BCR: variants seen among roughly 807,000 people sequenced by gnomAD.
The protein encoded by BCR is BCR activator of RhoGEF and GTPase, also known as breakpoint cluster region protein.
Under a neutral mutation model 138.6 loss-of-function variants are expected in BCR, and 58 were observed. That is an observed-to-expected ratio of 0.42 (90% CI 0.34 to 0.52). The LOEUF is 0.52. Ranked by LOEUF, BCR falls within the 20% of genes least tolerant of loss-of-function variation. The pLI, the probability that BCR is intolerant of heterozygous loss-of-function variation, is 0.06. For synonymous variants in BCR, 786 were observed against 730.1 expected (o/e 1.08, Z -1.23); for missense variants, 1,599 against 1,727.2 (o/e 0.93, Z 1.32).
At chr22:23,257,890 A>G in intron 2 of BCR, among the ~76,000 whole-genome samples, 1 of 152,224 alleles carries the variant, frequency 6.6e-6, no homozygotes, top group Non-Finnish European at 1.5e-5. Flanking sequence ...ACACTAGGAT[A>G]CAACCAGGTG....
chr22:23,300,747 G>A (rs555660670), intron 16 of BCR, among the ~76,000 whole-genome samples: 1 of 152,154 alleles, frequency 6.6e-6, no homozygotes, highest in Non-Finnish European at 1.5e-5. Context: ...ACCCAGGCTG[G>A]CAGAGAAGTC....
chr22:23,218,049 C>T (rs958740281), intron 1 of BCR, among the ~76,000 whole-genome samples: 7 of 152,218 alleles, frequency 4.6e-5, no homozygotes, highest in African/African-American at 1.7e-4. Flanking sequence ...TGCAGTAACC[C>T]TACTCTGACC....
chr22:23,200,314 G>C (rs535779421), intron 1 of BCR, among the ~76,000 whole-genome samples: 9 of 152,150 alleles, frequency 5.9e-5, no homozygotes, highest in African/African-American at 1.2e-4. Context: ...GCTCAAAGCG[G>C]GCTTTTTATT....
At chr22:23,207,198 G>A (rs1030674943) in intron 1 of BCR, among the ~76,000 whole-genome samples, 1 of 152,064 alleles carries the variant, frequency 6.6e-6, no homozygotes, top group South Asian at 2.1e-4. Context: ...TGACCTCAAG[G>A]AACCCATAGA....
intron 19 of BCR, chr22:23,312,404 G>A (rs2074017641): frequency 5.7e-6 from 1 of 176,306 alleles, no homozygotes; most frequent in Admixed American, 5.4e-5. Flanking sequence ...GCATCCCTGG[G>A]AGGGCCCTGT....
rs551927757 is a variant in BCR, at chr22:23,309,227, A to G, written c.3013-197A>G. ...CCCCAGGCAGCAGGGCTCTGGGAGCAGTGGGGCCCTGGGTTCCAGGGGTGT... is the reference window on the plus strand; with the variant it reads ...CCCCAGGCAGCAGGGCTCTGGGAGCGGTGGGGCCCTGGGTTCCAGGGGTGT... On this transcript the variant is annotated intron_variant, in intron 16 of 22. Coordinates refer to ENST00000305877, the MANE Select transcript of BCR (RefSeq NM_004327.4). Among the ~76,000 whole-genome samples, 97 of 152,244 alleles carry G rather than the reference A, an allele frequency of 6.4e-4. No individual in the cohort carries two copies. In the East Asian group the frequency reaches 0.017, roughly 26 times the overall value.
intron 1 of BCR, among the ~76,000 whole-genome samples, chr22:23,198,576 G>A (rs1408256387): frequency 6.6e-6 from 1 of 152,200 alleles, no homozygotes; most frequent in African/African-American, 2.4e-5. Context: ...TGAAAGGGTG[G>A]CTGTGGCGGC....
intron 1 of BCR, among the ~76,000 whole-genome samples, chr22:23,217,394 T>C (rs1038447938): frequency 6.6e-6 from 1 of 152,190 alleles, no homozygotes; most frequent in African/African-American, 2.4e-5. Context: ...GACCACACCA[T>C]GGGGTACCTT....
At chr22:23,205,541 G>T (rs2072602592) in intron 1 of BCR, among the ~76,000 whole-genome samples, 1 of 152,112 alleles carries the variant, frequency 6.6e-6, no homozygotes, top group Non-Finnish European at 1.5e-5. Context: ...CTCTATTTCT[G>T]CAAGGAGCTG....
Position 23,311,837 on chromosome 22 carries a change from G to A in BCR, c.3322+1G>A. ...GCACTGAAGGCAGCCTTCGACGTCA[G>A]TGAGTGTTGGCCTGCGCAGGACGGG... On this transcript the variant is annotated splice_donor_variant, in intron 19 of 22. Coordinates refer to ENST00000305877, the MANE Select transcript of BCR (RefSeq NM_004327.4). LOFTEE classifies it high-confidence loss of function. The A allele has an allele frequency of 6.2e-7, 1 of 1,611,736 alleles. No homozygotes were observed. Among genetic ancestry groups the A allele is most frequent in the Non-Finnish European group, 8.5e-7 (1 of 1,179,860 alleles).
chr22:23,291,591 C>T (rs1319633288), intron 14 of BCR, among the ~76,000 whole-genome samples: 1 of 152,084 alleles, frequency 6.6e-6, no homozygotes, highest in South Asian at 2.1e-4. Context: ...TACGCTGCCC[C>T]GTGGTCCCGG....
intron 21 of BCR, among the ~76,000 whole-genome samples, 170 bp downstream of exon 21, chr22:23,314,243 T>C (rs1284506491): frequency 6.6e-6 from 1 of 152,182 alleles, no homozygotes; most frequent in Non-Finnish European, 1.5e-5. Context: ...CCAGCCTCTC[T>C]TCTTTGCCAC....
At chr22:23,312,806 A>G (rs180805) in intron 19 of BCR, 81 bp from the exon 20 acceptor site, 616,575 of 1,483,720 alleles carry the variant, frequency 0.42, 124,797 homozygotes, top group East Asian at 0.61. Flanking sequence ...TGGCAGGGAC[A>G]GTGCTTTAGC....
intron 1 of BCR, chr22:23,217,157 G>A (rs1162610260): frequency 9.5e-6 from 3 of 314,844 alleles, no homozygotes; most frequent in South Asian, 6.7e-5. Context: ...AATGATCCTA[G>A]ACCATTGGTA....
At chr22:23,272,996 C>T in intron 6 of BCR, 85 bp from the exon 7 acceptor site, 1 of 1,472,220 alleles carries the variant, frequency 6.8e-7, no homozygotes, top group Non-Finnish European at 9.4e-7. Flanking sequence ...AGCCCCCTCC[C>T]CACTCACCCT....
intron 1 of BCR, among the ~76,000 whole-genome samples, chr22:23,209,448 C>T (rs1270935608): frequency 6.6e-6 from 1 of 152,198 alleles, no homozygotes; most frequent in Non-Finnish European, 1.5e-5. Flanking sequence ...TGCCAGTAGA[C>T]ACTTGGGTTG....
chr22:23,211,840 G>T (rs182248562), intron 1 of BCR, among the ~76,000 whole-genome samples: 63 of 152,206 alleles, frequency 4.1e-4, no homozygotes, highest in Non-Finnish European at 7.9e-4. Flanking sequence ...ACCCTCCAGG[G>T]GTAGGGGCTG....
At chr22:23,220,487 G>T (rs1310734440) in intron 1 of BCR, among the ~76,000 whole-genome samples, 3 of 152,192 alleles carry the variant, frequency 2.0e-5, no homozygotes, top group Non-Finnish European at 4.4e-5. Context: ...ATGAAGTGCT[G>T]AAAACATGGG....
intron 16 of BCR, among the ~76,000 whole-genome samples, chr22:23,299,620 G>A (rs907827484): frequency 4.0e-5 from 6 of 151,826 alleles, no homozygotes; most frequent in African/African-American, 1.5e-4. Context: ...GGTATCTCCA[G>A]TATCCAGACA....
Sources: allele counts gnomAD v4.1 joint callset (sites outside exome capture counted in the v4.1 genomes callset), GRCh38; gene constraint gnomAD v4.1.1; transcripts MANE v1.5; gene names NCBI Gene and HGNC (gene_info 2026-07-23, HGNC 2026-07-21).